ZBBX: variants seen among roughly 807,000 people sequenced by gnomAD.
ZBBX encodes the protein zinc finger B-box domain containing.
ZBBX carries 101 observed loss-of-function variants against 108.5 expected under a neutral mutation model. The ratio of observed to expected loss-of-function variants is 0.93; its 90% CI spans 0.79 to 1.10. ZBBX has a LOEUF of 1.10. Ranked by LOEUF, ZBBX falls within the 50% of genes least tolerant of loss-of-function variation. The pLI is 0.00. For missense variants in ZBBX, 1,009 were observed against 941.4 expected (o/e 1.07, Z -0.94); for synonymous variants, 356 against 323.4 (o/e 1.10, Z -1.08).
chr3:167,282,560 C>A (rs982019937), intron 19 of ZBBX, 65 bp from the exon 20 acceptor site: 5 of 1,370,444 alleles, frequency 3.6e-6, no homozygotes, highest in Non-Finnish European at 3.0e-6. Flanking sequence ...CTTAAAGATA[C>A]AAAATACCAG....
At chr3:167,404,912 C>G (rs1451152769) in intron 1 of ZBBX, among the ~76,000 whole-genome samples, 2 of 152,070 alleles carry the variant, frequency 1.3e-5, no homozygotes, top group Admixed American at 1.3e-4. Flanking sequence ...AATGCAGAAA[C>G]TGGTCGGGGG....
chr3:167,356,981 C>T (rs188867338), intron 8 of ZBBX, among the ~76,000 whole-genome samples: 119 of 152,130 alleles, frequency 7.8e-4, no homozygotes, highest in Non-Finnish European at 1.5e-3. Context: ...AGATTAAGGG[C>T]TTAATTTTGA....
At position 167,240,198 on chromosome 3, in the gene ZBBX, C is replaced by G. The variant is rs1219741134; in HGVS notation, c.*595G>C. 1 of 152,112 alleles carries G rather than the reference C, an allele frequency of 6.6e-6. No individual in the cohort carries two copies. The highest frequency in any genetic ancestry group is 1.9e-4 in the East Asian group (1 of 5,184). 9.4% of individuals were successfully genotyped at this position (152,112 alleles called of 1,614,324 possible). On this transcript the variant is annotated 3_prime_UTR_variant, in exon 22 of 22. Transcript: ENST00000675490. ...AGACCAGTCACATTTTCACATAAAG[C>G]TAATCACTACATTGACCTTCTTAAA...
At chr3:167,197,961 A>G in the ZBBX span, among the ~76,000 whole-genome samples, 1 of 152,216 alleles carries the variant, frequency 6.6e-6, no homozygotes. Flanking sequence ...AGCTGTAAGT[A>G]CCATATAAGT....
chr3:167,215,495 A>G, the ZBBX span, among the ~76,000 whole-genome samples: 2 of 152,072 alleles, frequency 1.3e-5, no homozygotes, highest in Non-Finnish European at 2.9e-5. Flanking sequence ...AAATAGCCTA[A>G]CAACCAAAAA....
chr3:167,182,585 G>C, the ZBBX span, among the ~76,000 whole-genome samples: 4 of 152,112 alleles, frequency 2.6e-5, no homozygotes, highest in Non-Finnish European at 4.4e-5. Context: ...ATCTAAACCA[G>C]CCCAGTCACC....
At chr3:167,280,613 A>G (rs374568061) in intron 20 of ZBBX, among the ~76,000 whole-genome samples, 10 of 150,358 alleles carry the variant, frequency 6.7e-5, no homozygotes, top group East Asian at 5.9e-4. Flanking sequence ...AACAGGTGCT[A>G]GAGAGGATGT....
chr3:167,284,969 T>A (rs924272093), intron 19 of ZBBX, among the ~76,000 whole-genome samples: 144 of 152,144 alleles, frequency 9.5e-4, no homozygotes, highest in Middle Eastern at 3.4e-3. Context: ...ATATTTTTTT[T>A]AAAAAAAATC....
intron 20 of ZBBX, among the ~76,000 whole-genome samples, chr3:167,251,127 G>A (rs1272442954): frequency 6.6e-6 from 1 of 152,170 alleles, no homozygotes; most frequent in Admixed American, 6.5e-5. Flanking sequence ...AGCAGTTGGA[G>A]GAGAGCTGGG....
At chr3:167,236,742 GGAGGCT>G (rs1455794471), downstream of ZBBX, among the ~76,000 whole-genome samples, 1 of 151,714 alleles carries the variant, frequency 6.6e-6, no homozygotes, top group African/African-American at 2.4e-5. Flanking sequence ...GGCATCTGCT[GGAGGCT>G]GAGTTCTGTG....
At chr3:167,215,031 TAGAA>T in the ZBBX span, among the ~76,000 whole-genome samples, 48,157 of 151,628 alleles carry the variant, frequency 0.32, 8,011 homozygotes, top group East Asian at 0.64. Flanking sequence ...ATCAAAAACT[TAGAA>T]AGATCTCAAT....
chr3:167,283,110 G>A (rs1485537742), intron 19 of ZBBX, among the ~76,000 whole-genome samples: 4 of 152,084 alleles, frequency 2.6e-5, no homozygotes, highest in African/African-American at 9.7e-5. Flanking sequence ...AGTTCCAGAA[G>A]CACCGATCTA....
At chr3:167,307,377 T>G (rs1292576070) in intron 16 of ZBBX, among the ~76,000 whole-genome samples, 1 of 152,176 alleles carries the variant, frequency 6.6e-6, no homozygotes, top group African/African-American at 2.4e-5. Flanking sequence ...GAAAACCCCA[T>G]AGCTTAAGCC....
intron 9 of ZBBX, among the ~76,000 whole-genome samples, chr3:167,345,188 C>G (rs964210742): frequency 1.3e-5 from 2 of 151,820 alleles, no homozygotes; most frequent in Admixed American, 1.3e-4. Flanking sequence ...TTGATTTATA[C>G]AGCACAGGTA....
chr3:167,386,560 T>C (rs1047083019), intron 1 of ZBBX, among the ~76,000 whole-genome samples: 1 of 151,986 alleles, frequency 6.6e-6, no homozygotes, highest in Non-Finnish European at 1.5e-5. Flanking sequence ...AGTCATCTCC[T>C]CAAAAAAAAG....
At chr3:167,385,951 C>T (rs1371464870) in intron 1 of ZBBX, among the ~76,000 whole-genome samples, 1 of 152,160 alleles carries the variant, frequency 6.6e-6, no homozygotes, top group Non-Finnish European at 1.5e-5. Flanking sequence ...CTGCCTTTGC[C>T]TGCCAACAAT....
At position 167,269,447 on chromosome 3, in the gene ZBBX, A is replaced by G. The variant is rs150627781; in HGVS notation, c.2254+12791T>C. On this transcript the variant is annotated intron_variant, in intron 20 of 21. Coordinates refer to ENST00000675490, the MANE Select transcript of ZBBX (RefSeq NM_001199201.2). Reference sequence around the variant, plus strand: ...GAAGTTAGGCATAGTCTTATAAGTTAGTCTAAAAGGATTCCTTGCCTCATT... The same window carrying G: ...GAAGTTAGGCATAGTCTTATAAGTTGGTCTAAAAGGATTCCTTGCCTCATT... 5.4e-4 allele frequency among the ~76,000 whole-genome samples: 83 copies of G among 152,354 alleles called. No individual in the cohort carries two copies. In the East Asian group the frequency reaches 0.014, roughly 26 times the overall value.
At chr3:167,315,904 T>A in intron 14 of ZBBX, 75 bp from the exon 15 acceptor site, 1 of 870,252 alleles carries the variant, frequency 1.1e-6, no homozygotes, top group Non-Finnish European at 1.8e-6. Context: ...TACTTATGGG[T>A]GATATTTGGA....
intron 6 of ZBBX, among the ~76,000 whole-genome samples, chr3:167,361,707 A>G (rs1176308669): frequency 6.6e-6 from 1 of 152,140 alleles, no homozygotes; most frequent in East Asian, 1.9e-4. Context: ...GAAATCATCA[A>G]TTTTTCTATG....
Sources: allele counts gnomAD v4.1 joint callset (sites outside exome capture counted in the v4.1 genomes callset), GRCh38; gene constraint gnomAD v4.1.1; transcripts MANE v1.5; gene names NCBI Gene and HGNC (gene_info 2026-07-23, HGNC 2026-07-21).